Variants in RBFOX1 observed in about 807,000 individuals in gnomAD.
RBFOX1 encodes the protein RNA binding fox-1 homolog 1.
A neutral mutation model predicts 57.7 loss-of-function variants in RBFOX1; 8 were observed. The observed-to-expected ratio is 0.14, with a 90% CI of 0.08 to 0.25. RBFOX1 has a LOEUF of 0.25. Among genes scored for constraint, RBFOX1 ranks in the 10% least tolerant of loss-of-function variants. The pLI is 1.00. For missense variants in RBFOX1, 611 were observed against 548.5 expected (o/e 1.11, Z -1.14); for synonymous variants, 326 against 222.4 (o/e 1.47, Z -4.15).
chr16:7,406,249 C>T (rs1444764929), intron 4 of RBFOX1, among the ~76,000 whole-genome samples: 1 of 152,130 alleles, frequency 6.6e-6, no homozygotes, highest in Non-Finnish European at 1.5e-5. Context: ...AGAAGAGTTG[C>T]CATATGCCAT....
intron 4 of RBFOX1, among the ~76,000 whole-genome samples, chr16:5,878,658 G>C (rs2057682649): frequency 6.6e-6 from 1 of 152,082 alleles, no homozygotes; most frequent in Non-Finnish European, 1.5e-5. Context: ...ACTTAGGGCT[G>C]ATATCCCACT....
intron 1 of RBFOX1, among the ~76,000 whole-genome samples, chr16:5,339,590 C>T (rs1470249000): frequency 1.4e-5 from 2 of 143,724 alleles, no homozygotes; most frequent in Admixed American, 7.4e-5. Flanking sequence ...TCAGGTGATT[C>T]TCCTTCCTCA....
intron 2 of RBFOX1, among the ~76,000 whole-genome samples, chr16:5,540,139 G>T (rs141144064): frequency 3.3e-5 from 5 of 152,142 alleles, no homozygotes; most frequent in Non-Finnish European, 5.9e-5. Context: ...AAAGGAAGCC[G>T]AAGCCTTTTG....
At chr16:6,312,653 T>TTTCCTTCCTTCCTTCC (rs71145211) in intron 1 of RBFOX1, among the ~76,000 whole-genome samples, 5 of 126,468 alleles carry the variant, frequency 4.0e-5, no homozygotes, top group Admixed American at 8.3e-5. Flanking sequence ...TAGTTCCTTC[T>TTTCCTTCCTTCCTTCC]TTCCTTCCTT....
chr16:7,596,971 C>T (rs1016540256), intron 8 of RBFOX1, among the ~76,000 whole-genome samples: 1 of 152,072 alleles, frequency 6.6e-6, no homozygotes, highest in Non-Finnish European at 1.5e-5. Context: ...TCCCTTGTAC[C>T]TTGTCTCTTC....
chr16:7,575,861 A>C (rs7191891), intron 5 of RBFOX1, among the ~76,000 whole-genome samples: 63,830 of 151,908 alleles, frequency 0.42, 13,778 homozygotes, highest in East Asian at 0.53. Context: ...TTAGGCTCTG[A>C]GGTAGCTGCT....
At chr16:6,889,836 G>T (rs113975114) in intron 3 of RBFOX1, among the ~76,000 whole-genome samples, 3 of 152,208 alleles carry the variant, frequency 2.0e-5, no homozygotes, top group South Asian at 4.1e-4. Flanking sequence ...CACAGACACA[G>T]CAGGAAACAA....
At position 5,716,119 on chromosome 16, in the gene RBFOX1, A is replaced by G. The variant is rs978281088; in HGVS notation, c.318+117158A>G. 3.2e-4 allele frequency among the ~76,000 whole-genome samples: 49 copies of G among 152,192 alleles called. 1 individual carries two copies. The highest frequency in any genetic ancestry group is 1.8e-3 in the Admixed American group (28 of 15,282). On this transcript the variant is annotated intron_variant, in intron 3 of 19. Coordinates refer to the RBFOX1 transcript ENST00000641259. Reference sequence around the variant, plus strand: ...CCAGAGATTCCATTTCACATTTCACATGTGTTTTTTCATTTAAATTTCACG... The same window carrying G: ...CCAGAGATTCCATTTCACATTTCACGTGTGTTTTTTCATTTAAATTTCACG...
chr16:5,768,666 C>T lies in RBFOX1; in HGVS notation c.319-98637C>T, dbSNP rs1185608564. Reference sequence around the variant, plus strand: ...GTGCATTCCTCTTGCATCTATTCCACTCTGCCTGCTGGGGAGGAAGCGGAT... The same window carrying T: ...GTGCATTCCTCTTGCATCTATTCCATTCTGCCTGCTGGGGAGGAAGCGGAT... On this transcript the variant is annotated intron_variant, in intron 3 of 19. Transcript: ENST00000641259. 2.0e-5 allele frequency among the ~76,000 whole-genome samples: 3 copies of T among 152,184 alleles called. No individual in the cohort carries two copies. The East Asian group carries it at 5.8e-4, about 29-fold the overall frequency.
At chr16:5,377,355 T>C (rs1298438739) in intron 1 of RBFOX1, among the ~76,000 whole-genome samples, 1 of 151,114 alleles carries the variant, frequency 6.6e-6, no homozygotes, top group Non-Finnish European at 1.5e-5. Flanking sequence ...CCCCTTGAGA[T>C]GGGGTCACGT....
At chr16:5,589,451 A>G (rs1468855012) in intron 2 of RBFOX1, among the ~76,000 whole-genome samples, 6 of 152,182 alleles carry the variant, frequency 3.9e-5, no homozygotes, top group African/African-American at 1.4e-4. Flanking sequence ...CTAGAAACAC[A>G]TAACATTATT....
intron 15 of RBFOX1, 160 bp from the exon 16 acceptor site, chr16:7,710,463 G>A: frequency 6.7e-7 from 1 of 1,484,866 alleles, no homozygotes; most frequent in Non-Finnish European, 8.8e-7. Flanking sequence ...GGTCAGGAAT[G>A]GCCCTATCTT....
intron 3 of RBFOX1, among the ~76,000 whole-genome samples, chr16:5,723,612 G>A (rs1163174335): frequency 1.3e-5 from 2 of 152,062 alleles, no homozygotes; most frequent in Non-Finnish European, 2.9e-5. Flanking sequence ...CTCAGGCTTG[G>A]GCTGGATGGT....
chr16:6,312,656 C>CCTTG (rs1491112176), intron 1 of RBFOX1, among the ~76,000 whole-genome samples: 2 of 1,728 alleles, frequency 1.2e-3, no homozygotes, highest in Non-Finnish European at 4.3e-3. Flanking sequence ...TTCCTTCTTT[C>CCTTG]CTTCCTTCCT....
chr16:7,509,501 A>G (rs1025270586), intron 4 of RBFOX1, among the ~76,000 whole-genome samples: 4 of 151,708 alleles, frequency 2.6e-5, no homozygotes, highest in African/African-American at 9.7e-5. Flanking sequence ...AATATGGTGA[A>G]GCTACTCATC....
At chr16:5,701,689 C>T (rs573254809) in intron 3 of RBFOX1, among the ~76,000 whole-genome samples, 1 of 152,166 alleles carries the variant, frequency 6.6e-6, no homozygotes, top group African/African-American at 2.4e-5. Flanking sequence ...CTGCCTTAGC[C>T]TCTCAAAATG....
chr16:7,148,963 A>G (rs1011569473), intron 4 of RBFOX1, among the ~76,000 whole-genome samples: 1 of 152,236 alleles, frequency 6.6e-6, no homozygotes, highest in East Asian at 1.9e-4. Context: ...AGGCACAAAG[A>G]TAGGAAACCT....
intron 2 of RBFOX1, among the ~76,000 whole-genome samples, chr16:6,563,762 G>T (rs1461122034): frequency 6.6e-6 from 1 of 152,024 alleles, no homozygotes; most frequent in Non-Finnish European, 1.5e-5. Context: ...GGAGGTGGAG[G>T]TTGCAGTGAG....
intron 4 of RBFOX1, among the ~76,000 whole-genome samples, chr16:5,992,225 CAA>C (rs1283771485): frequency 3.3e-5 from 5 of 151,844 alleles, no homozygotes; most frequent in African/African-American, 1.2e-4. Context: ...CTTCAAAGAA[CAA>C]AGAGTTTTCA....
Sources: allele counts gnomAD v4.1 joint callset (sites outside exome capture counted in the v4.1 genomes callset), GRCh38; gene constraint gnomAD v4.1.1; transcripts MANE v1.5; gene names NCBI Gene and HGNC (gene_info 2026-07-23, HGNC 2026-07-21).